The following ABTB3 variants were observed in gnomAD, a reference collection of about 807,000 sequenced individuals.
ABTB3 encodes ankyrin repeat- and BTB/POZ domain-containing protein 3.
chr12:107,319,957 G>A, the ABTB3 span: 4 of 1,575,828 alleles, frequency 2.5e-6, no homozygotes, highest in Non-Finnish European at 3.4e-6. Context: ...ACCACCATGC[G>A]CTCCACGAGG....
chr12:107,590,966 T>A, the ABTB3 span, among the ~76,000 whole-genome samples: 1 of 152,188 alleles, frequency 6.6e-6, no homozygotes, highest in African/African-American at 2.4e-5. Flanking sequence ...GGACATTATC[T>A]TTCCTTAGCA....
At chr12:107,525,624 C>T in the ABTB3 span, among the ~76,000 whole-genome samples, 1 of 152,186 alleles carries the variant, frequency 6.6e-6, no homozygotes. Context: ...ACATATTTCT[C>T]AGAACCCATC....
the ABTB3 span, among the ~76,000 whole-genome samples, chr12:107,499,236 A>G: frequency 6.6e-6 from 1 of 152,090 alleles, no homozygotes; most frequent in Non-Finnish European, 1.5e-5. Context: ...CAAACTTTCA[A>G]AATGGGTAAT....
At chr12:107,444,951 G>A in the ABTB3 span, among the ~76,000 whole-genome samples, 4 of 152,148 alleles carry the variant, frequency 2.6e-5, no homozygotes, top group African/African-American at 4.8e-5. Context: ...CCTGTGATAT[G>A]CGGCGGGGCC....
At chr12:107,528,702 C>T in the ABTB3 span, among the ~76,000 whole-genome samples, 1 of 152,168 alleles carries the variant, frequency 6.6e-6, no homozygotes, top group Non-Finnish European at 1.5e-5. Context: ...CATGGCTAGC[C>T]CTCCTCAGAG....
chr12:107,328,157 C>T, the ABTB3 span, among the ~76,000 whole-genome samples: 11 of 152,182 alleles, frequency 7.2e-5, no homozygotes, highest in African/African-American at 2.7e-4. Flanking sequence ...GAGCTAGCCA[C>T]CTCAACAACC....
chr12:107,513,426 T>C, the ABTB3 span, among the ~76,000 whole-genome samples: 2 of 152,030 alleles, frequency 1.3e-5, no homozygotes, highest in African/African-American at 2.4e-5. Context: ...AGTGAGTGAG[T>C]CCTCACGAGA....
chr12:107,581,707 G>C, the ABTB3 span, among the ~76,000 whole-genome samples: 4 of 152,132 alleles, frequency 2.6e-5, no homozygotes, highest in South Asian at 6.2e-4. Flanking sequence ...TTTCACTTGC[G>C]TGAGGATGGA....
the ABTB3 span, among the ~76,000 whole-genome samples, chr12:107,427,171 C>T: frequency 6.6e-6 from 1 of 152,218 alleles, no homozygotes; most frequent in African/African-American, 2.4e-5. Flanking sequence ...TTCCTTGCCT[C>T]TTCCAGCTTC....
At chr12:107,392,568 C>T in the ABTB3 span, among the ~76,000 whole-genome samples, 1 of 152,200 alleles carries the variant, frequency 6.6e-6, no homozygotes. Context: ...GGGACCCTCT[C>T]TTTGCCAGCC....
the ABTB3 span, among the ~76,000 whole-genome samples, chr12:107,464,949 TACACACACACACACAC>T: frequency 6.8e-6 from 1 of 146,544 alleles, no homozygotes; most frequent in African/African-American, 2.5e-5. Flanking sequence ...CTCCCTACCT[TACACACACACACACAC>T]ACACACACAC....
At chr12:107,355,141 A>G in the ABTB3 span, among the ~76,000 whole-genome samples, 30 of 152,254 alleles carry the variant, frequency 2.0e-4, no homozygotes, top group African/African-American at 7.2e-4. Flanking sequence ...ATAGTTTGAG[A>G]GATCTTTCGC....
At chr12:107,495,620 C>T in the ABTB3 span, among the ~76,000 whole-genome samples, 1 of 152,218 alleles carries the variant, frequency 6.6e-6, no homozygotes, top group South Asian at 2.1e-4. Flanking sequence ...CCCACAAACA[C>T]CTCTCAGGGC....
chr12:107,445,561 A>C, the ABTB3 span, among the ~76,000 whole-genome samples: 1 of 152,214 alleles, frequency 6.6e-6, no homozygotes, highest in East Asian at 1.9e-4. Flanking sequence ...CAGCACTGAC[A>C]GAAGAAGGAG....
chr12:107,523,382 G>T, the ABTB3 span, among the ~76,000 whole-genome samples: 1 of 152,146 alleles, frequency 6.6e-6, no homozygotes. Context: ...GTCAGTCCTG[G>T]GATTCTTCTG....
the ABTB3 span, among the ~76,000 whole-genome samples, chr12:107,413,085 T>TA: frequency 6.6e-6 from 1 of 151,892 alleles, no homozygotes; most frequent in Non-Finnish European, 1.5e-5. Flanking sequence ...CCATCCTGGC[T>TA]AACACCGTGA....
At chr12:107,515,890 C>T in the ABTB3 span, among the ~76,000 whole-genome samples, 3 of 151,674 alleles carry the variant, frequency 2.0e-5, no homozygotes, top group Non-Finnish European at 4.4e-5. Flanking sequence ...CATGATGTCA[C>T]TTTTGTTGCT....
chr12:107,617,442 C>G, the ABTB3 span: 4 of 1,613,722 alleles, frequency 2.5e-6, no homozygotes, highest in Non-Finnish European at 3.4e-6. Flanking sequence ...CACAGGTAGG[C>G]TAGGATGGGC....
At chr12:107,349,150 C>T in the ABTB3 span, among the ~76,000 whole-genome samples, 1 of 152,216 alleles carries the variant, frequency 6.6e-6, no homozygotes, top group Non-Finnish European at 1.5e-5. Flanking sequence ...AGCTTCCATG[C>T]CTTGAGCTCT....
Sources: allele counts gnomAD v4.1 joint callset (sites outside exome capture counted in the v4.1 genomes callset), GRCh38; gene constraint gnomAD v4.1.1; transcripts MANE v1.5; gene names NCBI Gene and HGNC (gene_info 2026-07-23, HGNC 2026-07-21).